Variants in FAM227B observed in about 807,000 individuals in gnomAD.
FAM227B encodes the protein protein FAM227B.
In FAM227B, 88 loss-of-function variants were observed where a neutral mutation model predicts 73.8. That is an observed-to-expected ratio of 1.19 (90% CI 1.00 to 1.42). FAM227B has a LOEUF of 1.42. Ranked by LOEUF, FAM227B falls within the 40% of genes most tolerant of loss-of-function variation. The probability of loss-of-function intolerance (pLI) is 0.00; values close to 1 mark genes in which losing one functional copy is unlikely to be tolerated. For missense variants in FAM227B, 632 were observed against 590.9 expected, an observed-to-expected ratio of 1.07 and a Z score of -0.72; for synonymous variants, 210 against 190.5, an observed-to-expected ratio of 1.10 and a Z score of -0.84.
chr15:49,546,939 C>A (rs535713212), intron 9 of FAM227B, among the ~76,000 whole-genome samples: 2 of 152,158 alleles, frequency 1.3e-5, no homozygotes, highest in African/African-American at 2.4e-5. Context: ...AATGCCACAA[C>A]GATACTCCTT....
At chr15:49,484,278 G>C in intron 11 of FAM227B, 1 of 1,505,046 alleles carries the variant, frequency 6.6e-7, no homozygotes, top group Non-Finnish European at 9.0e-7. Flanking sequence ...AAATCATTTG[G>C]ATAATGTCTG....
intron 11 of FAM227B, among the ~76,000 whole-genome samples, chr15:49,382,583 TGAAAG>T (rs1432830917): frequency 6.6e-6 from 1 of 151,990 alleles, no homozygotes; most frequent in African/African-American, 2.4e-5. Context: ...TTAAGTGTAA[TGAAAG>T]GACAGAGAAA....
Position 49,479,833 on chromosome 15 carries a change from T to C in FAM227B, c.1012+28378A>G, listed in dbSNP as rs552058899. 3.3e-5 allele frequency among the ~76,000 whole-genome samples: 5 copies of C among 152,152 alleles called. No individual in the cohort carries two copies. The East Asian group carries it at 9.7e-4, about 30-fold the overall frequency. ...TTCACCATATTTGCCAGGCTGGTCT[T>C]GAACTCCTGACCTCAGGTGATCCAC... On this transcript the variant is annotated intron_variant, in intron 11 of 15. Transcript: ENST00000299338.
chr15:49,563,575 TA>T (rs2074419550), intron 9 of FAM227B, among the ~76,000 whole-genome samples: 1 of 152,124 alleles, frequency 6.6e-6, no homozygotes, highest in African/African-American at 2.4e-5. Context: ...GACATCACAT[TA>T]CCTGACTTCT....
At chr15:49,597,230 A>T (rs78525721) in intron 3 of FAM227B, among the ~76,000 whole-genome samples, 3,001 of 152,116 alleles carry the variant, frequency 0.02, 121 homozygotes, top group African/African-American at 0.069. Flanking sequence ...GCCACAAAAC[A>T]AGTCTCAATA....
At chr15:49,448,957 CT>C (rs1024832320) in intron 11 of FAM227B, among the ~76,000 whole-genome samples, 2 of 151,512 alleles carry the variant, frequency 1.3e-5, no homozygotes, top group Non-Finnish European at 2.9e-5. Flanking sequence ...TCCTCATGCT[CT>C]TTTTTTTGCA....
At chr15:49,331,690 G>A in intron 15 of FAM227B, 90 bp downstream of exon 15, 1 of 783,828 alleles carries the variant, frequency 1.3e-6, no homozygotes, top group Non-Finnish European at 2.2e-6. Flanking sequence ...ATTTGGGTGT[G>A]CCACCATACA....
At position 49,489,803 on chromosome 15, in the gene FAM227B, TTATATA is replaced by T. The variant is rs1197091289; in HGVS notation, c.1012+18402_1012+18407del. 5.2e-5 allele frequency among the ~76,000 whole-genome samples: 3 copies of T among 57,276 alleles called. 1 individual carries two copies. Among genetic ancestry groups the T allele is most frequent in the African/African-American group, 1.7e-4 (3 of 18,074 alleles). 37.6% of individuals were successfully genotyped at this position (57,276 alleles called of 152,430 possible). A position where few individuals can be genotyped will look rare whatever the true frequency, so the allele number is the denominator to read the frequency against. ...AGAACAGGAGATATATATATATATT[TTATATA>T]TATATATATATTTTATATATATATA... On this transcript the variant is annotated intron_variant, in intron 11 of 15. Coordinates refer to ENST00000299338, the MANE Select transcript of FAM227B (RefSeq NM_152647.3).
chr15:49,540,524 G>T (rs1412188980), intron 10 of FAM227B, among the ~76,000 whole-genome samples: 1 of 152,124 alleles, frequency 6.6e-6, no homozygotes, highest in African/African-American at 2.4e-5. Flanking sequence ...AGAGATAAAA[G>T]CTGGTATAAC....
At chr15:49,404,585 C>A (rs1456400281) in intron 11 of FAM227B, among the ~76,000 whole-genome samples, 1 of 151,994 alleles carries the variant, frequency 6.6e-6, no homozygotes, top group Non-Finnish European at 1.5e-5. Context: ...GATTGCAACT[C>A]CTTTTTTTTT....
intron 11 of FAM227B, among the ~76,000 whole-genome samples, chr15:49,418,213 G>A (rs1193488507): frequency 6.6e-6 from 1 of 152,164 alleles, no homozygotes; most frequent in Non-Finnish European, 1.5e-5. Flanking sequence ...ACTGCTGATA[G>A]GAGTGTAAAT....
chr15:49,379,272 TG>T (rs1162085170), intron 11 of FAM227B, among the ~76,000 whole-genome samples: 1 of 152,180 alleles, frequency 6.6e-6, no homozygotes, highest in African/African-American at 2.4e-5. Context: ...TTTCTTTTTT[TG>T]ATGTGTCTTT....
At chr15:49,422,364 G>C (rs940115374) in intron 11 of FAM227B, 4 of 269,102 alleles carry the variant, frequency 1.5e-5, no homozygotes, top group Non-Finnish European at 2.6e-5. Flanking sequence ...AAGTAAAATA[G>C]CTTTCACTTA....
rs982820872 is a variant in FAM227B at position 49,566,804 on chromosome 15, T to G, written c.747+1441A>C. ...TGTTCTCAAATGAGGCTTTGCAACT[T>G]AATTAAACAACTTCTAATTTCTTCT... On this transcript the variant is annotated intron_variant, in intron 9 of 15. Coordinates refer to ENST00000299338, the MANE Select transcript of FAM227B (RefSeq NM_152647.3). Among the ~76,000 whole-genome samples the G allele has an allele frequency of 2.0e-5, 3 of 152,274 alleles. No individual in the cohort carries two copies. The East Asian group carries it at 5.8e-4, about 29-fold the overall frequency.
intron 11 of FAM227B, among the ~76,000 whole-genome samples, chr15:49,477,701 T>C (rs554245291): frequency 6.6e-6 from 1 of 152,242 alleles, no homozygotes; most frequent in Non-Finnish European, 1.5e-5. Context: ...CCTGGGGGCA[T>C]GACTGCTGGA....
intron 9 of FAM227B, among the ~76,000 whole-genome samples, chr15:49,556,292 G>A (rs1015008946): frequency 1.3e-5 from 2 of 151,958 alleles, no homozygotes; most frequent in African/African-American, 4.8e-5. Flanking sequence ...GTTGTATAAG[G>A]TGGCTTCAGT....
Position 49,524,711 on chromosome 15 carries a change from T to C in FAM227B, c.875-16363A>G, listed in dbSNP as rs192520574. ...GTGAAAGCAGCCTGGAGGAGGGATA[T>C]ACCCTGCAAAGCCACAGGTATGGAA... On this transcript the variant is annotated intron_variant, in intron 10 of 15. Coordinates refer to ENST00000299338, the MANE Select transcript of FAM227B (RefSeq NM_152647.3). Among the ~76,000 whole-genome samples, 301 of 152,272 alleles carry C rather than the reference T, an allele frequency of 2.0e-3. 1 individual carries two copies. Among genetic ancestry groups the C allele is most frequent in the African/African-American group, 6.9e-3 (287 of 41,566 alleles).
chr15:49,333,205 A>G (rs947606456), intron 14 of FAM227B, among the ~76,000 whole-genome samples: 1 of 152,188 alleles, frequency 6.6e-6, no homozygotes, highest in Non-Finnish European at 1.5e-5. Flanking sequence ...ATTAAAGTGT[A>G]CAGTTCAGTG....
chr15:49,339,327 C>G (rs2040307754), intron 13 of FAM227B, among the ~76,000 whole-genome samples: 2 of 152,114 alleles, frequency 1.3e-5, no homozygotes, highest in African/African-American at 4.8e-5. Flanking sequence ...AGTGGACATC[C>G]TTTTTGTTGA....
Sources: gnomAD v4.1 joint callset for allele counts (sites outside exome capture counted in the v4.1 genomes callset) on GRCh38, gnomAD v4.1.1 for gene constraint, MANE v1.5 for transcripts, NCBI Gene and HGNC (gene_info 2026-07-23, HGNC 2026-07-21) for gene names.